USP24: variants seen among roughly 807,000 people sequenced by gnomAD.
USP24 encodes ubiquitin carboxyl-terminal hydrolase 24.
Under a neutral mutation model 361.6 loss-of-function variants are expected in USP24, and 97 were observed. The observed-to-expected ratio is 0.27, with a 90% CI of 0.23 to 0.32. The LOEUF (loss-of-function observed/expected upper bound fraction) is 0.32. Ranked by LOEUF, USP24 falls within the 10% of genes least tolerant of loss-of-function variation. The pLI, the probability that USP24 is intolerant of heterozygous loss-of-function variation, is 1.00. For synonymous variants in USP24, 1,098 were observed against 1,124.6 expected (o/e 0.98, Z 0.47); for missense variants, 2,353 against 3,165.6 (o/e 0.74, Z 6.16).
chr1:55,122,859 C>T (rs1313469791), intron 36 of USP24, among the ~76,000 whole-genome samples: 8 of 152,064 alleles, frequency 5.3e-5, no homozygotes, highest in Admixed American at 2.0e-4. Flanking sequence ...TATTTGATAT[C>T]CAACTGGAGA....
chr1:55,184,152 G>A (rs1476174123), intron 1 of USP24, among the ~76,000 whole-genome samples: 1 of 152,082 alleles, frequency 6.6e-6, no homozygotes, highest in Non-Finnish European at 1.5e-5. Context: ...TGTGTCCCAG[G>A]CTCAAATGAT....
At position 55,162,438 on chromosome 1, in the gene USP24, T is replaced by C. The variant is rs145238547; in HGVS notation, c.928-174A>G. Among the ~76,000 whole-genome samples the C allele has an allele frequency of 2.0e-5, 3 of 152,310 alleles. No homozygotes were observed. In the East Asian group the frequency reaches 5.8e-4, roughly 29 times the overall value. On this transcript the variant is annotated intron_variant, in intron 7 of 67. Coordinates refer to ENST00000294383, the MANE Select transcript of USP24 (RefSeq NM_015306.3). ...GATAGAAAGAATTGATATAAAGATG[T>C]CAACCCGCTTAAATTATTATAGAAA...
At chr1:55,141,356 A>C (rs1646883695) in intron 24 of USP24, among the ~76,000 whole-genome samples, 1 of 152,204 alleles carries the variant, frequency 6.6e-6, no homozygotes, top group Admixed American at 6.5e-5. Context: ...TAAAACAAGA[A>C]GACCTGTCCA....
chr1:55,070,079 G>A (rs1644890028), intron 67 of USP24, among the ~76,000 whole-genome samples: 1 of 151,908 alleles, frequency 6.6e-6, no homozygotes. Flanking sequence ...GATGACAGGT[G>A]GAGGAGAGGG....
intron 38 of USP24, among the ~76,000 whole-genome samples, chr1:55,111,096 T>C (rs190156813): frequency 2.0e-4 from 31 of 152,170 alleles, no homozygotes; most frequent in African/African-American, 7.5e-4. Context: ...TGGTGTATAG[T>C]TGGTCCATGG....
intron 7 of USP24, among the ~76,000 whole-genome samples, chr1:55,165,333 T>C (rs776411066): frequency 2.0e-4 from 31 of 152,118 alleles, no homozygotes; most frequent in Non-Finnish European, 4.3e-4. Context: ...GTCAACAGTG[T>C]CTGAAAAATT....
At chr1:55,090,317 G>A (rs540799462) in intron 54 of USP24, among the ~76,000 whole-genome samples, 11 of 152,086 alleles carry the variant, frequency 7.2e-5, no homozygotes, top group Non-Finnish European at 1.3e-4. Context: ...TGGAAATAGT[G>A]GGCCATGTGT....
intron 38 of USP24, among the ~76,000 whole-genome samples, chr1:55,116,598 C>A (rs991815442): frequency 4.0e-5 from 6 of 151,784 alleles, no homozygotes; most frequent in African/African-American, 1.4e-4. Flanking sequence ...ACAAAACCTA[C>A]CACGATTGAA....
At chr1:55,171,779 T>A in intron 4 of USP24, 101 bp from the exon 5 acceptor site, 5 of 1,286,138 alleles carry the variant, frequency 3.9e-6, no homozygotes, top group Non-Finnish European at 4.3e-6. Flanking sequence ...ACTCCCCTCA[T>A]TAATGGGATC....
intron 4 of USP24, 51 bp from the exon 5 acceptor site, chr1:55,171,729 C>T: frequency 6.5e-7 from 1 of 1,540,136 alleles, no homozygotes; most frequent in South Asian, 1.2e-5. Flanking sequence ...TATAGCAACA[C>T]ATATTAGCAT....
chr1:55,158,759 T>C (rs1347376495), intron 10 of USP24, 119 bp downstream of exon 10: 2 of 916,954 alleles, frequency 2.2e-6, no homozygotes, highest in African/African-American at 1.7e-5. Flanking sequence ...TCATTCTCTT[T>C]TTTATATGAT....
chr1:55,133,029 T>C (rs1302982741), intron 30 of USP24, among the ~76,000 whole-genome samples: 1 of 152,188 alleles, frequency 6.6e-6, no homozygotes, highest in African/African-American at 2.4e-5. Context: ...ATTATAAGAT[T>C]GCTAAAGTGG....
At chr1:55,192,460 C>T (rs571931570) in intron 1 of USP24, among the ~76,000 whole-genome samples, 1 of 152,306 alleles carries the variant, frequency 6.6e-6, no homozygotes. Context: ...AAAAGAACCT[C>T]TGATCAATAT....
intron 58 of USP24, among the ~76,000 whole-genome samples, chr1:55,082,579 G>C (rs1043090223): frequency 6.6e-5 from 10 of 152,242 alleles, no homozygotes; most frequent in South Asian, 2.1e-4. Context: ...TTGAGCCCAG[G>C]AGTTTGAGAC....
At chr1:55,201,050 T>C (rs1569780906) in intron 1 of USP24, among the ~76,000 whole-genome samples, 1 of 152,190 alleles carries the variant, frequency 6.6e-6, no homozygotes, top group Non-Finnish European at 1.5e-5. Flanking sequence ...CCAACTGTAA[T>C]ACAAGGTAAA....
At chr1:55,178,215 T>C in intron 1 of USP24, 83 bp from the exon 2 acceptor site, 2 of 1,419,660 alleles carry the variant, frequency 1.4e-6, no homozygotes, top group Non-Finnish European at 1.9e-6. Flanking sequence ...ACAGAGCAGA[T>C]ACTGAATCAA....
At chr1:55,166,740 A>G (rs757772664) in intron 5 of USP24, 137 bp from the exon 6 acceptor site, 51 of 818,622 alleles carry the variant, frequency 6.2e-5, no homozygotes, top group African/African-American at 5.4e-4. Flanking sequence ...TTTTTTTCCC[A>G]AACGCTTCCT....
intron 1 of USP24, among the ~76,000 whole-genome samples, chr1:55,201,277 C>T (rs1279189279): frequency 1.3e-5 from 2 of 152,022 alleles, no homozygotes; most frequent in Non-Finnish European, 2.9e-5. Flanking sequence ...CTGGAACTTT[C>T]CAGGAAATAC....
chr1:55,193,147 T>C (rs1439757969), intron 1 of USP24, among the ~76,000 whole-genome samples: 3 of 152,248 alleles, frequency 2.0e-5, no homozygotes, highest in Non-Finnish European at 2.9e-5. Context: ...ATATACAGTA[T>C]AACAACTACT....
Sources: allele counts gnomAD v4.1 joint callset (sites outside exome capture counted in the v4.1 genomes callset), GRCh38; gene constraint gnomAD v4.1.1; transcripts MANE v1.5; gene names NCBI Gene and HGNC (gene_info 2026-07-23, HGNC 2026-07-21).